Variants in ACTR3C observed in about 807,000 individuals in gnomAD.
The protein encoded by ACTR3C is actin related protein 3C, also known as actin-related protein 3C.
Under a neutral mutation model 26.3 loss-of-function variants are expected in ACTR3C, and 18 were observed. That is an observed-to-expected ratio of 0.68 (90% CI 0.47 to 1.01). The LOEUF is 1.01. Among genes scored for constraint, ACTR3C ranks in the 50% least tolerant of loss-of-function variants. The pLI, the probability that ACTR3C is intolerant of heterozygous loss-of-function variation, is 0.00. For synonymous variants in ACTR3C, 55 were observed against 94.5 expected (o/e 0.58, Z 2.42); for missense variants, 184 against 250.7 (o/e 0.73, Z 1.80).
chr7:149,994,844 CTTTTTTTTTTTT>C, the ACTR3C span, among the ~76,000 whole-genome samples: 23 of 112,436 alleles, frequency 2.0e-4, no homozygotes, highest in Admixed American at 1.5e-3. Flanking sequence ...TGTTAACATT[CTTTTTTTTTTTT>C]TTTTTTTTGA....
chr7:150,158,917 G>A, the ACTR3C span, among the ~76,000 whole-genome samples: 3 of 144,016 alleles, frequency 2.1e-5, no homozygotes, highest in African/African-American at 8.2e-5. Context: ...GCACACACAC[G>A]TGCACACACA....
the ACTR3C span, among the ~76,000 whole-genome samples, chr7:149,918,074 C>T: frequency 3.9e-5 from 6 of 151,996 alleles, no homozygotes; most frequent in East Asian, 3.8e-4. Flanking sequence ...CTCTATAGAA[C>T]GAAGAATTCA....
chr7:150,094,573 T>C, the ACTR3C span, among the ~76,000 whole-genome samples: 1 of 150,566 alleles, frequency 6.6e-6, no homozygotes, highest in African/African-American at 2.5e-5. Flanking sequence ...CCCTTGGCAC[T>C]AACCTATCAG....
chr7:150,035,565 C>CG, the ACTR3C span, among the ~76,000 whole-genome samples: 14 of 81,094 alleles, frequency 1.7e-4, no homozygotes, highest in East Asian at 6.7e-4. Flanking sequence ...TCCGCAGAGC[C>CG]GGGGGGGAAG....
the ACTR3C span, among the ~76,000 whole-genome samples, chr7:150,173,548 GC>G: frequency 6.7e-6 from 1 of 149,246 alleles, no homozygotes; most frequent in African/African-American, 2.6e-5. Context: ...GATGAGAGGG[GC>G]TACCATGAAG....
the ACTR3C span, among the ~76,000 whole-genome samples, chr7:150,084,777 G>A: frequency 3.3e-5 from 5 of 152,152 alleles, no homozygotes; most frequent in East Asian, 9.6e-4. Flanking sequence ...TGATGGATCT[G>A]ACTTATGTTT....
chr7:149,883,607 G>A, the ACTR3C span, among the ~76,000 whole-genome samples: 51 of 152,348 alleles, frequency 3.3e-4, no homozygotes, highest in African/African-American at 1.2e-3. Flanking sequence ...GCGCCTGCGT[G>A]CAGGATGAAG....
chr7:149,907,403 C>T, the ACTR3C span, among the ~76,000 whole-genome samples: 1 of 148,760 alleles, frequency 6.7e-6, no homozygotes, highest in South Asian at 2.3e-4. Context: ...GCCTCACTTC[C>T]ACATCTCAGT....
chr7:150,026,527 T>C, the ACTR3C span, among the ~76,000 whole-genome samples: 1 of 147,940 alleles, frequency 6.8e-6, no homozygotes, highest in East Asian at 2.0e-4. Flanking sequence ...GGCCCATGGG[T>C]AATTCACTTA....
chr7:149,928,845 AAAAT>A, the ACTR3C span, among the ~76,000 whole-genome samples: 1 of 151,806 alleles, frequency 6.6e-6, no homozygotes, highest in African/African-American at 2.4e-5. Context: ...TCCGTCTCAA[AAAAT>A]AAATAAATAA....
the ACTR3C span, among the ~76,000 whole-genome samples, chr7:149,980,718 G>C: frequency 6.6e-6 from 1 of 152,184 alleles, no homozygotes; most frequent in African/African-American, 2.4e-5. Context: ...ACTAACCAAA[G>C]TGTGTATGTC....
chr7:150,202,990 G>A, the ACTR3C span, among the ~76,000 whole-genome samples: 1 of 152,156 alleles, frequency 6.6e-6, no homozygotes, highest in Non-Finnish European at 1.5e-5. Context: ...CCGTTTTCAC[G>A]AAATGAAAGG....
chr7:150,179,265 G>A, the ACTR3C span, among the ~76,000 whole-genome samples: 1 of 143,568 alleles, frequency 7.0e-6, no homozygotes, highest in Admixed American at 6.7e-5. Context: ...ATTGCCTTGA[G>A]TCTAGCCAGT....
At chr7:150,223,179 T>C in the ACTR3C span, among the ~76,000 whole-genome samples, 1 of 152,238 alleles carries the variant, frequency 6.6e-6, no homozygotes, top group Non-Finnish European at 1.5e-5. Context: ...ATAAATGAAG[T>C]CATGCATTAT....
the ACTR3C span, among the ~76,000 whole-genome samples, chr7:150,153,251 A>G: frequency 6.6e-6 from 1 of 152,212 alleles, no homozygotes; most frequent in African/African-American, 2.4e-5. Context: ...CAGCTTCTGC[A>G]CAGCAAAAGA....
intron 1 of ACTR3C, among the ~76,000 whole-genome samples, chr7:150,315,109 TTTATTTTATATATTATGTATAATAAA>T (rs1796734158): frequency 6.8e-6 from 1 of 147,360 alleles, no homozygotes. Flanking sequence ...ATTTATATTA[TTTATTTTATATATTATGTATAATAAA>T]TAATATTTAT....
chr7:150,286,530 C>G lies in ACTR3C; in HGVS notation c.308G>C (p.Cys103Ser), dbSNP rs1218017192. 4.3e-6 allele frequency: 7 copies of G among 1,611,030 alleles called. No individual in the cohort carries two copies. The highest frequency in any genetic ancestry group is 5.9e-6 in the Non-Finnish European group (7 of 1,179,578). ...CTTGACTATATCGGGGCAAATGTAACAGTATTTCTCCTGCATACACACACA... is the reference window on the plus strand; with the variant it reads ...CTTGACTATATCGGGGCAAATGTAAGAGTATTTCTCCTGCATACACACACA... ...ETAKAIKEKY[C>S]YICPDIVKEF... is the part of the protein sequence containing the mutation. Residue 103 changes from cysteine to serine, a missense_variant, in exon 5 of 8, where the codon TGT (cysteine) becomes TCT (serine). By Grantham distance (112) the Cys-to-Ser change is moderately radical. Coordinates refer to ENST00000683684, the MANE Select transcript of ACTR3C (RefSeq NM_001164458.2).
chr7:150,082,376 A>G, the ACTR3C span, among the ~76,000 whole-genome samples: 58 of 152,292 alleles, frequency 3.8e-4, no homozygotes, highest in African/African-American at 1.3e-3. Flanking sequence ...TCTCAAGATC[A>G]TTGAGCAATT....
At chr7:150,303,453 A>G (rs1360544133) in intron 1 of ACTR3C, among the ~76,000 whole-genome samples, 2 of 152,244 alleles carry the variant, frequency 1.3e-5, no homozygotes, top group African/African-American at 4.8e-5. Context: ...AACTTTTTTA[A>G]ACTACTGCTT....
Sources: allele counts gnomAD v4.1 joint callset (sites outside exome capture counted in the v4.1 genomes callset), GRCh38; gene constraint gnomAD v4.1.1; transcripts MANE v1.5; gene names NCBI Gene and HGNC (gene_info 2026-07-23, HGNC 2026-07-21).